Variants in ATP8A1 observed in about 807,000 individuals in gnomAD.
ATP8A1 encodes the protein phospholipid-transporting ATPase IA.
ATP8A1 carries 90 observed loss-of-function variants against 177.7 expected under a neutral mutation model. The observed-to-expected ratio is 0.51, with a 90% CI of 0.43 to 0.60. The LOEUF is 0.60. Ranked by LOEUF, ATP8A1 falls within the 20% of genes least tolerant of loss-of-function variation. The pLI is 0.00. For missense variants in ATP8A1, 1,072 were observed against 1,392.8 expected (o/e 0.77, Z 3.67); for synonymous variants, 493 against 485.9 (o/e 1.01, Z -0.19).
At chr4:42,420,730 C>T (rs369420417) in intron 35 of ATP8A1, among the ~76,000 whole-genome samples, 3 of 151,264 alleles carry the variant, frequency 2.0e-5, no homozygotes, top group African/African-American at 4.9e-5. Flanking sequence ...CTAATAATTA[C>T]GAATACATTG....
intron 25 of ATP8A1, among the ~76,000 whole-genome samples, chr4:42,474,550 C>T (rs1720838850): frequency 6.6e-6 from 1 of 152,174 alleles, no homozygotes; most frequent in Non-Finnish European, 1.5e-5. Flanking sequence ...AACAGGAAAG[C>T]CAGATCTTTT....
Position 42,586,420 on chromosome 4 carries a change from G to T in ATP8A1, c.651C>A (p.Gly217=). Residue 217 remains glycine (G), a synonymous_variant, in exon 9 of 37, where the codon GGC becomes GGA. Transcript: ENST00000381668. ...TGTTTGGACTTTCACACTCAATTCT[G>T]CCAGAAATCCTCATCAAACTGTCAA... ...KDVDSLMRIS[G]RIECESPNRH... 1 of 1,614,036 alleles carries T rather than the reference G, an allele frequency of 6.2e-7. No individual in the cohort carries two copies. The highest frequency in any genetic ancestry group is 8.5e-7 in the Non-Finnish European group (1 of 1,179,938).
At chr4:42,546,913 T>G (rs1289910010) in intron 19 of ATP8A1, among the ~76,000 whole-genome samples, 3 of 152,210 alleles carry the variant, frequency 2.0e-5, no homozygotes, top group African/African-American at 7.2e-5. Flanking sequence ...GATTCCTCTT[T>G]TTCTAATCAA....
At chr4:42,601,840 C>T (rs188325173) in intron 5 of ATP8A1, among the ~76,000 whole-genome samples, 12 of 152,160 alleles carry the variant, frequency 7.9e-5, no homozygotes, top group African/African-American at 2.2e-4. Context: ...CCCTCTAAAG[C>T]GATCACAATA....
chr4:42,442,269 C>T (rs771914263), intron 33 of ATP8A1, among the ~76,000 whole-genome samples: 2 of 152,098 alleles, frequency 1.3e-5, no homozygotes, highest in African/African-American at 2.4e-5. Flanking sequence ...AAGTTAAAAT[C>T]GACCTAAGGG....
intron 5 of ATP8A1, among the ~76,000 whole-genome samples, chr4:42,612,194 C>T (rs1736437557): frequency 6.6e-6 from 1 of 152,062 alleles, no homozygotes; most frequent in Non-Finnish European, 1.5e-5. Flanking sequence ...TGCTTTTCAT[C>T]TTATTCGCAC....
At chr4:42,624,266 T>C (rs533805024) in intron 4 of ATP8A1, among the ~76,000 whole-genome samples, 1 of 152,216 alleles carries the variant, frequency 6.6e-6, no homozygotes, top group Non-Finnish European at 1.5e-5. Flanking sequence ...TGTTCAAATG[T>C]ACTTTTCTCC....
chr4:42,414,799 GT>G, intron 35 of ATP8A1, 81 bp from the exon 36 acceptor site: 1 of 1,015,444 alleles, frequency 9.8e-7, no homozygotes, highest in Non-Finnish European at 1.6e-6. Context: ...ACCAAAGAGA[GT>G]TAGACTTAAA....
chr4:42,431,774 A>G (rs561751854), intron 33 of ATP8A1, among the ~76,000 whole-genome samples: 1 of 152,062 alleles, frequency 6.6e-6, no homozygotes, highest in South Asian at 2.1e-4. Flanking sequence ...CACCTCTCAC[A>G]TTTCTCTTTT....
intron 4 of ATP8A1, among the ~76,000 whole-genome samples, chr4:42,619,566 C>T (rs560706242): frequency 1.3e-5 from 2 of 151,648 alleles, no homozygotes; most frequent in East Asian, 3.9e-4. Flanking sequence ...GTCTTCAGTA[C>T]CTTACCTGCA....
At chr4:42,552,465 T>G (rs911164260) in intron 17 of ATP8A1, 40 bp downstream of exon 17, 13 of 1,500,974 alleles carry the variant, frequency 8.7e-6, no homozygotes, top group Non-Finnish European at 1.2e-5. Context: ...TTCAGAACAA[T>G]TTTCCACAAA....
At position 42,446,291 on chromosome 4, in the gene ATP8A1, C is replaced by T. The variant is rs150691220; in HGVS notation, c.2958+292G>A. On this transcript the variant is annotated intron_variant, in intron 31 of 36. Transcript: ENST00000381668. ...ACATACTTTTGCTTGTCTTTTACTA[C>T]TTCGGTGGGTTGATGCCAAGAGAAA... Among the ~76,000 whole-genome samples the T allele has an allele frequency of 1.6e-4, 25 of 152,136 alleles. No homozygotes were observed. The East Asian group carries it at 4.8e-3, about 29-fold the overall frequency.
rs147509056 is a variant in ATP8A1 at position 42,629,467 on chromosome 4, G to T, written c.50-2358C>A. On this transcript the variant is annotated intron_variant, in intron 1 of 36. Coordinates refer to ENST00000381668, the MANE Select transcript of ATP8A1 (RefSeq NM_006095.2). The stretch of plus-strand genomic sequence containing the variant: ...TGCCCTGACCAGGTGTGATACTGAG[G>T]AAGGGAGATCTGCACTGAAAGCAGG... Among the ~76,000 whole-genome samples, 721 of 152,218 alleles carry T rather than the reference G, an allele frequency of 4.7e-3. 3 individuals are homozygous for T. The highest frequency in any genetic ancestry group is 0.014 in the Middle Eastern group (4 of 294).
intron 15 of ATP8A1, among the ~76,000 whole-genome samples, chr4:42,557,574 T>C (rs1730372342): frequency 6.6e-6 from 1 of 152,198 alleles, no homozygotes; most frequent in South Asian, 2.1e-4. Context: ...TATAAATCAG[T>C]TACTATAATT....
chr4:42,544,070 T>C, intron 19 of ATP8A1, 84 bp from the exon 20 acceptor site: 3 of 1,123,800 alleles, frequency 2.7e-6, no homozygotes, highest in Non-Finnish European at 4.0e-6. Context: ...TATTTTGATA[T>C]TCACAGTAAA....
intron 5 of ATP8A1, 135 bp downstream of exon 5, chr4:42,615,898 A>G: frequency 1.4e-6 from 1 of 729,010 alleles, no homozygotes; most frequent in South Asian, 2.0e-5. Flanking sequence ...AATGCCACAA[A>G]GCAAAAATCA....
intron 35 of ATP8A1, among the ~76,000 whole-genome samples, chr4:42,421,321 C>T (rs2153167413): frequency 6.6e-6 from 1 of 152,128 alleles, no homozygotes; most frequent in Admixed American, 6.5e-5. Flanking sequence ...TTTTTTGCAG[C>T]TCTATTATAT....
chr4:42,582,762 A>C (rs1387953297), intron 9 of ATP8A1, among the ~76,000 whole-genome samples: 1 of 152,116 alleles, frequency 6.6e-6, no homozygotes, highest in Non-Finnish European at 1.5e-5. Flanking sequence ...CATTTAAGAC[A>C]CATTTTTCAT....
chr4:42,656,773 A>G, intron 1 of ATP8A1, 52 bp downstream of exon 1: 1 of 1,504,544 alleles, frequency 6.6e-7, no homozygotes, highest in Non-Finnish European at 8.9e-7. Flanking sequence ...ACGCTCACAC[A>G]CACACTCGCT....
Sources: gnomAD v4.1 joint callset for allele counts (sites outside exome capture counted in the v4.1 genomes callset) on GRCh38, gnomAD v4.1.1 for gene constraint, MANE v1.5 for transcripts, NCBI Gene and HGNC (gene_info 2026-07-23, HGNC 2026-07-21) for gene names.